The following COL4A6 variants were observed in gnomAD, a reference collection of about 807,000 sequenced individuals.
COL4A6 encodes the protein collagen type IV alpha 6 chain.
Under a neutral mutation model 126.7 loss-of-function variants are expected in COL4A6, and 59 were observed. The ratio of observed to expected loss-of-function variants is 0.47; its 90% CI spans 0.38 to 0.58. COL4A6 has a LOEUF of 0.58. COL4A6 is among the 20% of genes least tolerant of loss of function. The pLI, the probability that COL4A6 is intolerant of heterozygous loss-of-function variation, is 0.00. For synonymous variants in COL4A6, 547 were observed against 496.6 expected, an observed-to-expected ratio of 1.10 and a Z score of -1.35; for missense variants, 1,285 against 1,337.3, an observed-to-expected ratio of 0.96 and a Z score of 0.61.
chrX:108,253,255 G>C (rs1389401326), intron 3 of COL4A6, among the ~76,000 whole-genome samples: 1 of 111,594 alleles, frequency 9.0e-6, no homozygotes, highest in Non-Finnish European at 1.9e-5. Flanking sequence ...AAACCATAGA[G>C]ACTCCACTAT....
At chrX:108,232,960 T>C (rs889870124) in intron 3 of COL4A6, among the ~76,000 whole-genome samples, 1 of 111,527 alleles carries the variant, frequency 9.0e-6, no homozygotes, top group East Asian at 2.8e-4. Context: ...AAGGAAGAGC[T>C]TTCAGTAGAA....
intron 3 of COL4A6, among the ~76,000 whole-genome samples, chrX:108,262,150 A>G (rs1218132626): frequency 9.0e-6 from 1 of 111,730 alleles, no homozygotes; most frequent in African/African-American, 3.3e-5. Context: ...GATGAGTCCA[A>G]GGCTGGATTC....
intron 23 of COL4A6, among the ~76,000 whole-genome samples, chrX:108,186,389 A>T (rs2034860745): frequency 8.9e-6 from 1 of 111,924 alleles, no homozygotes; most frequent in Non-Finnish European, 1.9e-5. Context: ...TTGCAAAGGA[A>T]ATAAGAGATA....
intron 3 of COL4A6, among the ~76,000 whole-genome samples, chrX:108,251,714 A>G (rs188490670): frequency 3.0e-4 from 34 of 112,117 alleles, no homozygotes; most frequent in African/African-American, 1.1e-3. Flanking sequence ...AAATAAAGGC[A>G]CAAACATAAA....
intron 41 of COL4A6, among the ~76,000 whole-genome samples, chrX:108,162,066 G>C (rs1344326524): frequency 2.7e-5 from 3 of 112,394 alleles, no homozygotes; most frequent in Non-Finnish European, 5.6e-5. Context: ...TGAGGACACC[G>C]AGGCTGGGCG....
chrX:108,431,662 C>G (rs1270657908), intron 2 of COL4A6, among the ~76,000 whole-genome samples: 1 of 111,385 alleles, frequency 9.0e-6, no homozygotes, highest in Admixed American at 9.6e-5. Flanking sequence ...TTAAGGAATA[C>G]CTAGAAACCC....
intron 2 of COL4A6, among the ~76,000 whole-genome samples, chrX:108,318,192 C>G (rs1336729783): frequency 9.0e-6 from 1 of 111,425 alleles, no homozygotes; most frequent in African/African-American, 3.3e-5. Flanking sequence ...GCTAAAAACT[C>G]TCAATAAATT....
At chrX:108,290,304 G>A (rs778924188) in intron 3 of COL4A6, among the ~76,000 whole-genome samples, 36 of 112,104 alleles carry the variant, frequency 3.2e-4, no homozygotes, top group Non-Finnish European at 6.6e-4. Context: ...GTAGAAAAGA[G>A]GGCTTGACCA....
chrX:108,180,721 C>T, intron 24 of COL4A6, 99 bp from the exon 25 acceptor site: 6 of 792,102 alleles, frequency 7.6e-6, no homozygotes, highest in South Asian at 2.4e-5. Context: ...TGGAGAGCCT[C>T]TCCTTGTCTC....
At chrX:108,340,576 TAATA>T (rs1269291658) in intron 2 of COL4A6, among the ~76,000 whole-genome samples, 6 of 110,739 alleles carry the variant, frequency 5.4e-5, no homozygotes, top group South Asian at 3.8e-4. Context: ...TATAATGAAG[TAATA>T]AATAAAGGTT....
chrX:108,259,900 G>C (rs2037114017), intron 3 of COL4A6, among the ~76,000 whole-genome samples: 1 of 109,606 alleles, frequency 9.1e-6, no homozygotes, highest in Non-Finnish European at 1.9e-5. Flanking sequence ...TCGTGCGATG[G>C]ATTTACCATT....
At chrX:108,330,240 T>A (rs2039264678) in intron 2 of COL4A6, among the ~76,000 whole-genome samples, 1 of 111,181 alleles carries the variant, frequency 9.0e-6, no homozygotes, top group African/African-American at 3.3e-5. Context: ...ACAAAGACTC[T>A]GCTACTGGGG....
chrX:108,383,742 T>C (rs1482632181), intron 2 of COL4A6: 5 of 518,186 alleles, frequency 9.6e-6, no homozygotes, highest in Admixed American at 2.6e-5. Flanking sequence ...TCACACTGTC[T>C]GGAAAAAAGA....
At chrX:108,327,750 A>G (rs1031771596) in intron 2 of COL4A6, among the ~76,000 whole-genome samples, 3 of 109,912 alleles carry the variant, frequency 2.7e-5, no homozygotes, top group African/African-American at 1.0e-4. Flanking sequence ...TCATGCTTGT[A>G]CATACTTGCC....
chrX:108,369,987 C>A (rs745757152), intron 2 of COL4A6, among the ~76,000 whole-genome samples: 1 of 111,810 alleles, frequency 8.9e-6, no homozygotes, highest in Non-Finnish European at 1.9e-5. Context: ...ATCTTAACTC[C>A]CATAACAAAG....
At position 108,156,721 on chromosome X, in the gene COL4A6, A is replaced by G; in HGVS notation, c.*279T>C. 2.6e-6 allele frequency: 1 copy of G among 383,730 alleles called. No individual in the cohort carries two copies. The allele number at this position is 383,730 out of a possible 1,213,427, so 31.6% of individuals were successfully genotyped here. The stretch of plus-strand genomic sequence containing the variant: ...GTCTAAGACAGTTGTGGCCCATCAA[A>G]TCTTTCTGAGGTAGCCATGAATAGT... On this transcript the variant is annotated 3_prime_UTR_variant, in exon 45 of 45. Transcript: ENST00000334504.
chrX:108,374,072 G>C (rs180999687), intron 2 of COL4A6, among the ~76,000 whole-genome samples: 2 of 112,538 alleles, frequency 1.8e-5, no homozygotes, highest in African/African-American at 3.2e-5. Flanking sequence ...CTTAGCAAAG[G>C]CTTAGATAAG....
chrX:108,277,320 G>A (rs1482857436), intron 3 of COL4A6, among the ~76,000 whole-genome samples: 1 of 111,817 alleles, frequency 8.9e-6, no homozygotes, highest in Non-Finnish European at 1.9e-5. Context: ...TTAAAAAACG[G>A]CGCACCAGGA....
intron 3 of COL4A6, among the ~76,000 whole-genome samples, chrX:108,261,627 G>A (rs1461657966): frequency 2.7e-5 from 3 of 111,322 alleles, no homozygotes; most frequent in African/African-American, 9.8e-5. Context: ...ACCAGTATCA[G>A]TAGCTCTAAA....
Sources: allele counts gnomAD v4.1 joint callset (sites outside exome capture counted in the v4.1 genomes callset), GRCh38; gene constraint gnomAD v4.1.1; transcripts MANE v1.5; gene names NCBI Gene and HGNC (gene_info 2026-07-23, HGNC 2026-07-21).